The following HDAC9 variants were observed in gnomAD, a reference collection of about 807,000 sequenced individuals.
HDAC9 encodes MEF-2 interacting transcription repressor (MITR) protein.
In HDAC9, 41 loss-of-function variants were observed where a neutral mutation model predicts 139.4. The ratio of observed to expected loss-of-function variants is 0.29; its 90% CI spans 0.23 to 0.38. The LOEUF is 0.38. Ranked by LOEUF, HDAC9 falls within the 10% of genes least tolerant of loss-of-function variation. The pLI, the probability that HDAC9 is intolerant of heterozygous loss-of-function variation, is 1.00. For missense variants in HDAC9, 1,147 were observed against 1,297.0 expected, an observed-to-expected ratio of 0.88 and a Z score of 1.78; for synonymous variants, 517 against 476.2, an observed-to-expected ratio of 1.09 and a Z score of -1.12.
chr7:18,616,704 G>A (rs1487992256), intron 6 of HDAC9, among the ~76,000 whole-genome samples: 1 of 152,166 alleles, frequency 6.6e-6, no homozygotes, highest in Non-Finnish European at 1.5e-5. Flanking sequence ...ATGCCCAGGT[G>A]ACTTGGAAGG....
intron 23 of HDAC9, among the ~76,000 whole-genome samples, chr7:18,950,729 G>A (rs111285255): frequency 0.013 from 1,905 of 151,978 alleles, 48 homozygotes; most frequent in African/African-American, 0.043. Context: ...AATTTGAGGA[G>A]CACGCAATAT....
At chr7:18,435,496 C>A (rs776743276) in intron 1 of HDAC9, among the ~76,000 whole-genome samples, 2 of 151,998 alleles carry the variant, frequency 1.3e-5, no homozygotes, top group Non-Finnish European at 2.9e-5. Flanking sequence ...GCAAAACTTT[C>A]GAGAGAGAGA....
In HDAC9 at chr7:18,185,675, T is replaced by C. The variant is rs532328424; in HGVS notation, c.25+23326T>C. 2.0e-5 allele frequency among the ~76,000 whole-genome samples: 3 copies of C among 152,338 alleles called. No individual in the cohort carries two copies. In the East Asian group the frequency reaches 5.8e-4, roughly 29 times the overall value. The stretch of plus-strand genomic sequence containing the variant: ...CTTATCTTCTTATATTCAAGATTAT[T>C]AAATCTCAGCTATGGGCCTCGTTTT... On this transcript the variant is annotated intron_variant, in intron 2 of 12. Transcript: ENST00000417496.
rs111426651 is a variant in HDAC9, at chr7:18,747,640, C to A, written c.1910-1365C>A. On this transcript the variant is annotated intron_variant, in intron 13 of 25. Coordinates refer to ENST00000686413, the MANE Select transcript of HDAC9 (RefSeq NM_178425.4). ...TTCAATGGGGAAGTGTGTAAGTAAG[C>A]TGCTCATAAGGGAGGTCAGTCCTGA... Among the ~76,000 whole-genome samples, 791 of 152,268 alleles carry A rather than the reference C, an allele frequency of 5.2e-3. 5 individuals carry two copies. The highest frequency in any genetic ancestry group is 0.018 in the African/African-American group (755 of 41,552).
intron 16 of HDAC9, among the ~76,000 whole-genome samples, chr7:18,771,452 G>T (rs1295856677): frequency 6.6e-6 from 1 of 152,074 alleles, no homozygotes; most frequent in Non-Finnish European, 1.5e-5. Flanking sequence ...GCGAGAGGCA[G>T]ATTTGGATGA....
intron 2 of HDAC9, among the ~76,000 whole-genome samples, chr7:18,244,459 G>A (rs1794385812): frequency 6.6e-6 from 1 of 152,100 alleles, no homozygotes; most frequent in Admixed American, 6.5e-5. Context: ...CAGACAAATG[G>A]CATATTGTCC....
At chr7:18,775,167 ATTAT>A (rs1225948096) in intron 16 of HDAC9, among the ~76,000 whole-genome samples, 1 of 152,048 alleles carries the variant, frequency 6.6e-6, no homozygotes, top group Admixed American at 6.6e-5. Context: ...CCCCAAAACA[ATTAT>A]AATAGTACTA....
At chr7:18,464,993 T>C (rs1397184672) in intron 1 of HDAC9, among the ~76,000 whole-genome samples, 1 of 152,078 alleles carries the variant, frequency 6.6e-6, no homozygotes, top group African/African-American at 2.4e-5. Flanking sequence ...TTTAATACTT[T>C]CTTGTATGTT....
intron 25 of HDAC9, among the ~76,000 whole-genome samples, chr7:18,987,270 A>C (rs1785442092): frequency 6.6e-6 from 1 of 152,202 alleles, no homozygotes; most frequent in African/African-American, 2.4e-5. Context: ...GGGAGTTTTT[A>C]GCATGAAGGT....
intron 2 of HDAC9, among the ~76,000 whole-genome samples, chr7:18,561,509 T>A (rs1402170801): frequency 6.6e-6 from 1 of 152,222 alleles, no homozygotes; most frequent in African/African-American, 2.4e-5. Context: ...TCTATTCACA[T>A]GGTTGTGCAA....
In HDAC9 at chr7:18,786,629, CCTTCCTTCCTTT is replaced by C. The variant is rs1268477370; in HGVS notation, c.2215-6710_2215-6699del. On this transcript the variant is annotated intron_variant, in intron 16 of 25. Transcript: ENST00000686413. ...TCCTTCCTTCCTTCCCTCCCTCCCT[CCTTCCTTCCTTT>C]CTTCCCTCCTTCTTTCCTCCCTTCC... Among the ~76,000 whole-genome samples the C allele has an allele frequency of 9.7e-5, 11 of 113,776 alleles. 1 individual carries two copies. Among genetic ancestry groups the C allele is most frequent in the Admixed American group, 7.6e-4 (9 of 11,872 alleles). 74.6% of individuals were successfully genotyped at this position (113,776 alleles called of 152,430 possible). A position where few individuals can be genotyped will look rare whatever the true frequency, so the allele number is the denominator to read the frequency against.
intron 1 of HDAC9, among the ~76,000 whole-genome samples, chr7:18,461,134 A>G (rs1793809978): frequency 1.3e-5 from 2 of 152,204 alleles, no homozygotes; most frequent in Non-Finnish European, 2.9e-5. Flanking sequence ...ATACATACAT[A>G]CACACATATA....
chr7:18,275,645 C>A (rs1259471740), intron 2 of HDAC9, among the ~76,000 whole-genome samples: 1 of 152,144 alleles, frequency 6.6e-6, no homozygotes, highest in East Asian at 1.9e-4. Flanking sequence ...TCAAGTGCTC[C>A]CACCAGACAT....
chr7:18,456,572 T>C (rs1793372324), intron 1 of HDAC9, among the ~76,000 whole-genome samples: 1 of 152,154 alleles, frequency 6.6e-6, no homozygotes, highest in Middle Eastern at 3.2e-3. Flanking sequence ...CTCACCACTT[T>C]CATTCATATG....
intron 1 of HDAC9, among the ~76,000 whole-genome samples, chr7:18,397,266 A>T (rs1162437314): frequency 1.3e-5 from 2 of 152,148 alleles, no homozygotes; most frequent in South Asian, 2.1e-4. Flanking sequence ...AAGGAAATTG[A>T]CATTGACATA....
chr7:18,530,332 C>T (rs1435024230), intron 2 of HDAC9, among the ~76,000 whole-genome samples: 1 of 152,052 alleles, frequency 6.6e-6, no homozygotes, highest in Non-Finnish European at 1.5e-5. Context: ...ATGTCGTTAA[C>T]ACTTTATGGA....
intron 25 of HDAC9, among the ~76,000 whole-genome samples, chr7:18,985,383 T>C (rs1022035107): frequency 1.5e-4 from 23 of 152,236 alleles, no homozygotes; most frequent in African/African-American, 5.5e-4. Context: ...TCCATGTCCA[T>C]ACAAAGGACA....
intron 2 of HDAC9, among the ~76,000 whole-genome samples, chr7:18,251,215 A>G (rs996084212): frequency 6.6e-6 from 1 of 152,154 alleles, no homozygotes; most frequent in Non-Finnish European, 1.5e-5. Flanking sequence ...AGGGACTTGG[A>G]TGGAGCTGAA....
chr7:18,310,420 A>C (rs1334749548), intron 1 of HDAC9, among the ~76,000 whole-genome samples: 1 of 152,144 alleles, frequency 6.6e-6, no homozygotes, highest in Non-Finnish European at 1.5e-5. Context: ...CCTGAAACTG[A>C]ATTTGGTCAG....
Sources: allele counts gnomAD v4.1 joint callset (sites outside exome capture counted in the v4.1 genomes callset), GRCh38; gene constraint gnomAD v4.1.1; transcripts MANE v1.5; gene names NCBI Gene and HGNC (gene_info 2026-07-23, HGNC 2026-07-21).